TRIO: variants seen among roughly 807,000 people sequenced by gnomAD.
TRIO encodes trio Rho guanine nucleotide exchange factor, also known as triple functional domain protein.
In TRIO, 58 loss-of-function variants were observed where a neutral mutation model predicts 351.9. The observed-to-expected ratio is 0.16, with a 90% CI of 0.13 to 0.21. The LOEUF (loss-of-function observed/expected upper bound fraction) is 0.21. Among genes scored for constraint, TRIO ranks in the 10% least tolerant of loss-of-function variants. The pLI, the probability that TRIO is intolerant of heterozygous loss-of-function variation, is 1.00. For synonymous variants in TRIO, 1,758 were observed against 1,595.7 expected (o/e 1.10, Z -2.42); for missense variants, 3,201 against 4,027.8 (o/e 0.79, Z 5.56).
intron 1 of TRIO, among the ~76,000 whole-genome samples, chr5:14,199,921 TAAAAG>T (rs1039765062): frequency 1.9e-4 from 29 of 152,064 alleles, no homozygotes; most frequent in African/African-American, 7.0e-4. Flanking sequence ...GAGACAGACT[TAAAAG>T]AGAGAACATA....
intron 1 of TRIO, among the ~76,000 whole-genome samples, chr5:14,169,044 T>C (rs1238279189): frequency 6.6e-6 from 1 of 152,230 alleles, no homozygotes; most frequent in East Asian, 1.9e-4. Context: ...TACTGCTGTT[T>C]GATTTTTGCT....
chr5:14,481,152 C>T, intron 43 of TRIO, 82 bp from the exon 44 acceptor site: 1 of 1,457,270 alleles, frequency 6.9e-7, no homozygotes, highest in Non-Finnish European at 9.3e-7. Context: ...ATAGTGAGAC[C>T]CTGTCTCTTA....
intron 4 of TRIO, among the ~76,000 whole-genome samples, chr5:14,289,488 G>T (rs900730305): frequency 1.3e-5 from 2 of 152,052 alleles, no homozygotes; most frequent in African/African-American, 4.8e-5. Flanking sequence ...AGGAATTTAA[G>T]CTTACAGCAT....
intron 34 of TRIO, among the ~76,000 whole-genome samples, chr5:14,435,677 T>A (rs972496206): frequency 2.0e-5 from 3 of 152,204 alleles, no homozygotes; most frequent in Admixed American, 1.3e-4. Context: ...TCTTTACTTA[T>A]ATCAGTTGGA....
At chr5:14,159,839 A>G (rs1422905577) in intron 1 of TRIO, among the ~76,000 whole-genome samples, 1 of 152,212 alleles carries the variant, frequency 6.6e-6, no homozygotes, top group African/African-American at 2.4e-5. Context: ...TGCTGGGATT[A>G]CAGGCGTGAG....
intron 49 of TRIO, among the ~76,000 whole-genome samples, chr5:14,495,831 A>G (rs1756856278): frequency 6.6e-6 from 1 of 152,058 alleles, no homozygotes; most frequent in Non-Finnish European, 1.5e-5. Flanking sequence ...AGCTGAGCGT[A>G]GTGGCAGGCG....
chr5:14,275,961 C>CATATATATACATACATATATATAT (rs1735477344), intron 2 of TRIO, among the ~76,000 whole-genome samples: 1 of 143,952 alleles, frequency 6.9e-6, no homozygotes, highest in Non-Finnish European at 1.5e-5. Context: ...CATATATATA[C>CATATATATACATACATATATATAT]ATATATATAC....
chr5:14,198,465 CAT>C (rs1232338841), intron 1 of TRIO, among the ~76,000 whole-genome samples: 3 of 152,170 alleles, frequency 2.0e-5, no homozygotes, highest in Admixed American at 6.5e-5. Flanking sequence ...TTTCATTTAA[CAT>C]GTGTGTTAAC....
In TRIO at chr5:14,497,537, C is replaced by T. The variant is rs987825700; in HGVS notation, c.8020-310C>T. Among the ~76,000 whole-genome samples the T allele has an allele frequency of 3.9e-5, 6 of 152,288 alleles. No individual in the cohort carries two copies. The highest frequency in any genetic ancestry group is 1.2e-4 in the African/African-American group (5 of 41,552). Reference sequence around the variant, plus strand: ...GGTATCTCCTGAAAGGGACTCTGAGCGCCAGGGGCCAGGGCGTTGGCGGCT... The same window carrying T: ...GGTATCTCCTGAAAGGGACTCTGAGTGCCAGGGGCCAGGGCGTTGGCGGCT... On this transcript the variant is annotated intron_variant, in intron 50 of 56. Coordinates refer to ENST00000344204, the MANE Select transcript of TRIO (RefSeq NM_007118.4). The surrounding 1 kb of genome is among the most constrained non-coding windows in gnomAD (Gnocchi z 4.4).
chr5:14,406,075 T>A, intron 32 of TRIO, 85 bp downstream of exon 32: 5 of 1,532,212 alleles, frequency 3.3e-6, no homozygotes, highest in Non-Finnish European at 4.4e-6. Flanking sequence ...CAAAAATCCT[T>A]TCTCTCAAAC....
intron 11 of TRIO, 38 bp from the exon 12 acceptor site, chr5:14,358,140 C>G (rs1234021785): frequency 6.3e-7 from 1 of 1,589,826 alleles, no homozygotes; most frequent in East Asian, 2.3e-5. Context: ...GTGGTGCAGC[C>G]AGGCCGGCCG....
chr5:14,260,690 TAGG>T (rs1795293554), intron 1 of TRIO, among the ~76,000 whole-genome samples: 1 of 152,242 alleles, frequency 6.6e-6, no homozygotes, highest in Non-Finnish European at 1.5e-5. Flanking sequence ...TCTATATTAA[TAGG>T]AGTAAATGAA....
intron 41 of TRIO, 47 bp downstream of exon 41, chr5:14,477,010 T>C: frequency 6.5e-7 from 1 of 1,531,232 alleles, no homozygotes; most frequent in Non-Finnish European, 9.0e-7. Flanking sequence ...GGTGTCATCC[T>C]TAGTCACTGG....
intron 1 of TRIO, among the ~76,000 whole-genome samples, chr5:14,263,945 C>T (rs756617182): frequency 1.3e-5 from 2 of 152,154 alleles, no homozygotes; most frequent in Non-Finnish European, 2.9e-5. Flanking sequence ...CCCTGGGGAT[C>T]CAAACATGAA....
intron 16 of TRIO, among the ~76,000 whole-genome samples, chr5:14,368,302 C>T (rs1440361000): frequency 6.6e-6 from 1 of 152,162 alleles, no homozygotes; most frequent in Non-Finnish European, 1.5e-5. Context: ...AAATAAAAAG[C>T]ATTCACTCTG....
chr5:14,498,627 C>T lies in TRIO; in HGVS notation c.8319C>T (p.Ser2773=). Residue 2773 remains serine, a synonymous_variant, in exon 53 of 57, where the codon AGC becomes AGT. Transcript: ENST00000344204. The part of the protein sequence containing the change: ...NDMGSASSSA[S]LRVLGPGMDG... Reference sequence around the variant, plus strand: ...TGGGTTCAGCCTCATCGTCGGCCAGCCTGAGGGTCCTAGGTAAGCACCGTG... The same window carrying T: ...TGGGTTCAGCCTCATCGTCGGCCAGTCTGAGGGTCCTAGGTAAGCACCGTG... 1 of 1,613,954 alleles carries T rather than the reference C, an allele frequency of 6.2e-7. No individual in the cohort carries two copies. Among genetic ancestry groups the T allele is most frequent in the Non-Finnish European group, 8.5e-7 (1 of 1,179,796 alleles).
chr5:14,466,732 G>A (rs1561524671), intron 37 of TRIO, among the ~76,000 whole-genome samples: 1 of 152,176 alleles, frequency 6.6e-6, no homozygotes, highest in Non-Finnish European at 1.5e-5. Flanking sequence ...CCCTCCAGAC[G>A]TTTTCCTTGC....
chr5:14,217,040 T>G (rs1792269135), intron 1 of TRIO, among the ~76,000 whole-genome samples: 2 of 152,158 alleles, frequency 1.3e-5, no homozygotes, highest in African/African-American at 4.8e-5. Context: ...AGTGGTCTGG[T>G]ATGTGAGCAG....
intron 1 of TRIO, among the ~76,000 whole-genome samples, chr5:14,245,962 C>G (rs926100906): frequency 2.2e-4 from 33 of 152,214 alleles, no homozygotes; most frequent in South Asian, 2.1e-4. Context: ...ATTGAAGCCT[C>G]CTAGGTTAGA....
Sources: gnomAD v4.1 joint callset for allele counts (sites outside exome capture counted in the v4.1 genomes callset) on GRCh38, gnomAD v4.1.1 for gene constraint, Gnocchi (gnomAD v3.1) non-coding constraint, MANE v1.5 for transcripts, NCBI Gene and HGNC (gene_info 2026-07-23, HGNC 2026-07-21) for gene names.